The following ATP7B variants were observed in gnomAD, a reference collection of about 807,000 sequenced individuals.
The protein encoded by ATP7B is ATPase copper transporting beta.
ATP7B carries 113 observed loss-of-function variants against 118.9 expected under a neutral mutation model. That is an observed-to-expected ratio of 0.95 (90% CI 0.82 to 1.11). The LOEUF is 1.11. Ranked by LOEUF, ATP7B falls within the 50% of genes most tolerant of loss-of-function variation. The pLI is 0.00. For missense variants in ATP7B, 1,867 were observed against 1,871.4 expected (o/e 1.00, Z 0.04); for synonymous variants, 777 against 727.4 (o/e 1.07, Z -1.10).
At chr13:51,981,152 C>T (rs9526816) in intron 1 of ATP7B, among the ~76,000 whole-genome samples, 137,770 of 152,250 alleles carry the variant, frequency 0.9, 62,506 homozygotes, top group East Asian at 1. Context: ...GGGATTTAAA[C>T]GCTGCTGAGA....
chr13:51,943,408 A>G (rs1957456645), intron 14 of ATP7B, among the ~76,000 whole-genome samples: 1 of 152,176 alleles, frequency 6.6e-6, no homozygotes, highest in Non-Finnish European at 1.5e-5. Context: ...AAAACTAGAA[A>G]TGAGGTTTCT....
intron 4 of ATP7B, among the ~76,000 whole-genome samples, chr13:51,967,435 T>C (rs184209875): frequency 5.3e-5 from 8 of 152,324 alleles, no homozygotes; most frequent in Admixed American, 5.2e-4. Context: ...ATTTTCCACA[T>C]AGAAGTCTGA....
chr13:51,938,371 C>T (rs551028845), intron 17 of ATP7B, among the ~76,000 whole-genome samples: 3 of 152,324 alleles, frequency 2.0e-5, no homozygotes, highest in South Asian at 2.1e-4. Flanking sequence ...CTGTCACATT[C>T]GTGGTGCTTC....
intron 12 of ATP7B, 152 bp downstream of exon 12, chr13:51,949,510 C>T (rs562346236): frequency 2.8e-6 from 3 of 1,088,984 alleles, no homozygotes; most frequent in East Asian, 2.5e-5. Flanking sequence ...TTATCCTACT[C>T]TGGCTTAGAT....
chr13:51,987,375 AAGG>A (rs1351583538), intron 1 of ATP7B, among the ~76,000 whole-genome samples: 2 of 152,264 alleles, frequency 1.3e-5, no homozygotes, highest in Non-Finnish European at 2.9e-5. Flanking sequence ...GGACCTCTTC[AAGG>A]AGAACTACAA....
In ATP7B at chr13:51,941,158, G is replaced by C; in HGVS notation, c.3479C>G (p.Thr1160Ser). 1 of 1,614,146 alleles carries C rather than the reference G, an allele frequency of 6.2e-7. No individual in the cohort carries two copies. ...AGCGTCACTGACATCGCTAGAAATG[G>C]TTAAACCGTTGCGCCTCAGCCACTC... The part of the protein sequence containing the change: ...NREWLRRNGL[T>S]ISSDVSDAMT... Residue 1160 changes from threonine (T) to serine (S), a missense_variant, in exon 16 of 21, where the codon ACC becomes AGC. Thr to Ser is a moderately conservative substitution (Grantham distance 58). Transcript: ENST00000242839.
At position 51,949,609 on chromosome 13, in the gene ATP7B, T is replaced by C. The variant is rs1957867769; in HGVS notation, c.2865+53A>G. On this transcript the variant is annotated intron_variant, in intron 12 of 20. Transcript: ENST00000242839. ...AAGATATGAAAGAACAGGATCAATGTCAGTAGATTATTTAAAACACAACCA... is the reference window on the plus strand; with the variant it reads ...AAGATATGAAAGAACAGGATCAATGCCAGTAGATTATTTAAAACACAACCA... 3 of 1,596,588 alleles carry C rather than the reference T, an allele frequency of 1.9e-6. No homozygotes were observed. In the Admixed American group the frequency reaches 5.0e-5, roughly 27 times the overall value.
Position 51,989,982 on chromosome 13 carries a change from C to T in ATP7B, c.52-14814G>A, listed in dbSNP as rs540474704. On this transcript the variant is annotated intron_variant, in intron 1 of 20. Coordinates refer to ENST00000242839, the MANE Select transcript of ATP7B (RefSeq NM_000053.4). ...CAAATGTATTCCTTTAAGACATGTA[C>T]AAACCTAATGTTTATAAATTAGCAC... Among the ~76,000 whole-genome samples, 17 of 152,110 alleles carry T rather than the reference C, an allele frequency of 1.1e-4. No homozygotes were observed. The South Asian group carries it at 3.5e-3, about 32-fold the overall frequency.
intron 9 of ATP7B, among the ~76,000 whole-genome samples, chr13:51,955,454 G>A (rs534796868): frequency 6.6e-6 from 1 of 152,322 alleles, no homozygotes; most frequent in Admixed American, 6.5e-5. Context: ...GCTTAATAAT[G>A]TCCTGTCATG....
At position 51,934,457 on chromosome 13, in the gene ATP7B, T is replaced by C. The variant is rs1956842881; in HGVS notation, c.*299A>G. 2.1e-6 allele frequency: 1 copy of C among 466,814 alleles called. No individual in the cohort carries two copies. Among genetic ancestry groups the C allele is most frequent in the East Asian group, 4.3e-5 (1 of 23,024 alleles). The allele number at this position is 466,814 out of a possible 1,614,324, so 28.9% of individuals were successfully genotyped here. ...TCATCCTAAATACTCCAAGCAGAGG[T>C]CTGTGAGGAGGGTGACTCGCCTCTC... On this transcript the variant is annotated 3_prime_UTR_variant, in exon 21 of 21. Transcript: ENST00000242839.
chr13:51,974,148 A>G lies in ATP7B; in HGVS notation c.1072T>C (p.Cys358Arg). 6.2e-7 allele frequency: 1 copy of G among 1,613,734 alleles called. No individual in the cohort carries two copies. Among genetic ancestry groups the G allele is most frequent in the Non-Finnish European group, 8.5e-7 (1 of 1,179,972 alleles). Residue 358 changes from cysteine to arginine, a missense_variant, in exon 2 of 21, where the codon TGC becomes CGC. Cys to Arg is a radical substitution (Grantham distance 180). Transcript: ENST00000242839. ...GCAATGGCAATCAGAGTGGTACTGC[A>G]TGTGCCCTGGACCTGGTTTCTCGGT... Reference protein sequence around the residue: ...SPPRNQVQGTCSTTLIAIAGM... With the variant: ...SPPRNQVQGTRSTTLIAIAGM...
At chr13:51,958,792 A>G (rs528028860) in intron 7 of ATP7B, 8 of 545,708 alleles carry the variant, frequency 1.5e-5, no homozygotes, top group Non-Finnish European at 2.3e-5. Context: ...ATGTCCTCTA[A>G]TAAGAGAATG....
intron 1 of ATP7B, among the ~76,000 whole-genome samples, chr13:51,991,377 G>A (rs1044311167): frequency 6.6e-6 from 1 of 152,232 alleles, no homozygotes; most frequent in Non-Finnish European, 1.5e-5. Context: ...TACTCAGGAG[G>A]CTAGGGTGGG....
rs1423701688 is a variant in ATP7B, at chr13:51,944,144, G to A, written c.3208C>T (p.Pro1070Ser). The A allele has an allele frequency of 7.4e-6, 12 of 1,613,990 alleles. No homozygotes were observed. Among genetic ancestry groups the A allele is most frequent in the Admixed American group, 1.7e-5 (1 of 59,996 alleles). Residue 1070 changes from proline to serine, a missense_variant, in exon 14 of 21, where the codon CCC (proline) becomes TCC (serine). Coordinates refer to ENST00000242839, the MANE Select transcript of ATP7B (RefSeq NM_000053.4). ...VGTAEASSEH[P>S]LGVAVTKYCK... is the part of the protein sequence containing the mutation. ...TATTTGGTGACTGCCACGCCCAAGG[G>A]GTGTTCACTGCTGGCCTCCGCAGTC...
intron 1 of ATP7B, among the ~76,000 whole-genome samples, chr13:52,000,845 A>G (rs1335322752): frequency 6.6e-6 from 1 of 152,116 alleles, no homozygotes; most frequent in East Asian, 1.9e-4. Flanking sequence ...ACATAGTGAG[A>G]CACCATCTCT....
At position 51,974,053 on chromosome 13, in the gene ATP7B, T is replaced by C. The variant is rs1951979397; in HGVS notation, c.1167A>G (p.Gln389=). 6.2e-7 allele frequency: 1 copy of C among 1,614,090 alleles called. No homozygotes were observed. The highest frequency in any genetic ancestry group is 1.3e-5 in the African/African-American group (1 of 74,910). The change falls in exon 2 of 21, where the codon CAA becomes CAG. Residue 389 remains glutamine, a synonymous_variant. Coordinates refer to ENST00000242839, the MANE Select transcript of ATP7B (RefSeq NM_000053.4). ...TCCCTTCGGCCAAAGACACCGATAT[T>C]TGCTGCACCCCTTCCAGTTGGGAGA... The part of the protein sequence containing the change: ...GMISQLEGVQ[Q]ISVSLAEGTA...
rs1280353235 is a variant in ATP7B, at chr13:51,958,544, G to T, written c.2122C>A (p.Leu708Ile). ...IFFILCTFVQ[L>I]LGGWYFYVQA... ...ACGTAGAAGTACCACCCACCGAGGAGCTGAAAGACAAGGACAGTGAAGGCT... is the reference window on the plus strand; with the variant it reads ...ACGTAGAAGTACCACCCACCGAGGATCTGAAAGACAAGGACAGTGAAGGCT... Residue 708 changes from leucine (L) to isoleucine (I), a missense_variant and splice_region_variant, in exon 8 of 21, where the codon CTC becomes ATC. Coordinates refer to ENST00000242839, the MANE Select transcript of ATP7B (RefSeq NM_000053.4). 1.2e-6 allele frequency: 2 copies of T among 1,613,856 alleles called. No individual in the cohort carries two copies. Among genetic ancestry groups the T allele is most frequent in the South Asian group, 2.2e-5 (2 of 91,074 alleles).
At chr13:51,991,251 C>G (rs1226637249) in intron 1 of ATP7B, among the ~76,000 whole-genome samples, 1 of 152,216 alleles carries the variant, frequency 6.6e-6, no homozygotes, top group Admixed American at 6.5e-5. Context: ...AAATCTACTT[C>G]TAGTTCATTC....
upstream of ATP7B, among the ~76,000 whole-genome samples, chr13:52,011,785 T>G (rs1954047316): frequency 6.6e-6 from 1 of 152,244 alleles, no homozygotes; most frequent in East Asian, 1.9e-4. Flanking sequence ...CTCGCGCTGG[T>G]GCGCTCCGAC....
Sources: allele counts gnomAD v4.1 joint callset (sites outside exome capture counted in the v4.1 genomes callset), GRCh38; gene constraint gnomAD v4.1.1; transcripts MANE v1.5; gene names NCBI Gene and HGNC (gene_info 2026-07-23, HGNC 2026-07-21).